RIMS2: variants seen among roughly 807,000 people sequenced by gnomAD.
The protein encoded by RIMS2 is regulating synaptic membrane exocytosis 2.
RIMS2 carries 59 observed loss-of-function variants against 174.4 expected under a neutral mutation model. That is an observed-to-expected ratio of 0.34 (90% CI 0.27 to 0.42). The LOEUF (loss-of-function observed/expected upper bound fraction) is 0.42. Among genes scored for constraint, RIMS2 ranks in the 10% least tolerant of loss-of-function variants. The probability of loss-of-function intolerance (pLI) is 1.00; values close to 1 mark genes in which losing one functional copy is unlikely to be tolerated. For missense variants in RIMS2, 1,620 were observed against 1,666.3 expected (o/e 0.97, Z 0.48); for synonymous variants, 606 against 572.5 (o/e 1.06, Z -0.84).
intron 2 of RIMS2, among the ~76,000 whole-genome samples, chr8:103,713,908 T>G (rs1266879872): frequency 6.6e-6 from 1 of 152,192 alleles, no homozygotes; most frequent in Non-Finnish European, 1.5e-5. Context: ...TTTTTCTTTC[T>G]TCCTGAAATA....
rs1339229373 is a variant in RIMS2 at position 103,542,597 on chromosome 8, G to A, written c.176+41535G>A. Among the ~76,000 whole-genome samples the A allele has an allele frequency of 4.6e-5, 7 of 152,130 alleles. No individual in the cohort carries two copies. The South Asian group carries it at 1.0e-3, about 22-fold the overall frequency. On this transcript the variant is annotated intron_variant, in intron 1 of 23. Transcript: ENST00000504942. The stretch of plus-strand genomic sequence containing the variant: ...AATAAATTCACAGGCCAATATTCTT[G>A]ATGAGCATAGATGCAGAAATCCTCA...
At chr8:103,660,135 G>A (rs1401401473) in intron 1 of RIMS2, among the ~76,000 whole-genome samples, 12 of 152,174 alleles carry the variant, frequency 7.9e-5, no homozygotes, top group Admixed American at 5.2e-4. Context: ...GGTCTTCCAC[G>A]TCAATTACCT....
chr8:104,198,717 G>A (rs2136858319), intron 19 of RIMS2, among the ~76,000 whole-genome samples: 2 of 152,254 alleles, frequency 1.3e-5, no homozygotes, highest in East Asian at 3.9e-4. Flanking sequence ...GTTCTCCTAG[G>A]ATCCCATCCT....
At chr8:104,103,346 C>G (rs2097947701) in intron 19 of RIMS2, among the ~76,000 whole-genome samples, 1 of 152,054 alleles carries the variant, frequency 6.6e-6, no homozygotes, top group African/African-American at 2.4e-5. Flanking sequence ...CTAAAAGCTA[C>G]TGAATCATAT....
intron 9 of RIMS2, among the ~76,000 whole-genome samples, chr8:103,919,643 T>C (rs1215340727): frequency 1.3e-5 from 2 of 152,120 alleles, no homozygotes; most frequent in African/African-American, 4.8e-5. Context: ...TCAGATTCTC[T>C]ATATACCACA....
intron 4 of RIMS2, among the ~76,000 whole-genome samples, chr8:103,903,176 G>C (rs912135797): frequency 1.3e-5 from 2 of 152,030 alleles, no homozygotes; most frequent in African/African-American, 2.4e-5. Context: ...CAATCTGTTA[G>C]ATATCACAAC....
At chr8:104,067,572 T>TGTC (rs567406236) in intron 19 of RIMS2, among the ~76,000 whole-genome samples, 132 of 151,930 alleles carry the variant, frequency 8.7e-4, no homozygotes, top group African/African-American at 3.1e-3. Context: ...TTGTTGTTGT[T>TGTC]GTGGAGACGG....
At chr8:103,666,620 T>C (rs56999386) in intron 1 of RIMS2, among the ~76,000 whole-genome samples, 26,734 of 152,064 alleles carry the variant, frequency 0.18, 2,551 homozygotes, top group African/African-American at 0.23. Context: ...TTCTGGTCTT[T>C]TTTGGGGGGC....
At chr8:103,820,050 AG>A (rs2098742429) in intron 3 of RIMS2, among the ~76,000 whole-genome samples, 1 of 152,132 alleles carries the variant, frequency 6.6e-6, no homozygotes, top group African/African-American at 2.4e-5. Flanking sequence ...GATGTTTTCT[AG>A]GTTTAAGACA....
In RIMS2 at chr8:103,578,554, AAAC is replaced by A. The variant is rs374420643; in HGVS notation, c.176+77510_176+77512del. 6.7e-3 allele frequency among the ~76,000 whole-genome samples: 989 copies of A among 146,626 alleles called. 14 individuals carry two copies. The highest frequency in any genetic ancestry group is 0.022 in the African/African-American group (917 of 41,070). On this transcript the variant is annotated intron_variant, in intron 1 of 23. Transcript: ENST00000504942. Reference sequence around the variant, plus strand: ...AAAACAAAAAACAAAAAACAAAACAAAACAACAACAACAACAACAAAAAACCCA... The same window carrying A: ...AAAACAAAAAACAAAAAACAAAACAAAACAACAACAACAACAAAAAACCCA...
At chr8:103,579,657 TG>T (rs1290799888) in intron 1 of RIMS2, among the ~76,000 whole-genome samples, 1 of 152,218 alleles carries the variant, frequency 6.6e-6, no homozygotes, top group African/African-American at 2.4e-5. Flanking sequence ...ACCTATAAGA[TG>T]TTTTTTATAA....
chr8:104,019,626 G>A (rs1198743099), intron 19 of RIMS2, among the ~76,000 whole-genome samples: 1 of 152,098 alleles, frequency 6.6e-6, no homozygotes, highest in East Asian at 1.9e-4. Context: ...ATGGAAACAG[G>A]CAAGTTTAAT....
chr8:103,910,666 G>T, intron 5 of RIMS2, 137 bp downstream of exon 8: 1 of 510,560 alleles, frequency 2.0e-6, no homozygotes. Context: ...GTGCAGAAAA[G>T]AAAAACAAAA....
chr8:104,098,838 A>G (rs2097808808), intron 19 of RIMS2, among the ~76,000 whole-genome samples: 1 of 152,190 alleles, frequency 6.6e-6, no homozygotes, highest in African/African-American at 2.4e-5. Context: ...GCTATGTGAT[A>G]TAACTTGATA....
At chr8:103,949,583 T>C (rs377055990) in intron 14 of RIMS2, among the ~76,000 whole-genome samples, 1 of 152,288 alleles carries the variant, frequency 6.6e-6, no homozygotes, top group East Asian at 1.9e-4. Flanking sequence ...AAAATTATTT[T>C]GAACTGAATG....
intron 3 of RIMS2, among the ~76,000 whole-genome samples, chr8:103,862,323 C>A (rs778442104): frequency 4.6e-5 from 7 of 151,954 alleles, no homozygotes; most frequent in African/African-American, 1.2e-4. Context: ...CTATTCTGTT[C>A]CATTGATCTA....
chr8:103,670,684 C>T (rs1057277520), intron 1 of RIMS2, among the ~76,000 whole-genome samples: 9 of 152,316 alleles, frequency 5.9e-5, no homozygotes, highest in African/African-American at 1.9e-4. Flanking sequence ...TAACAAGAGT[C>T]AGCTTTGCTC....
chr8:104,015,639 G>C (rs1261344608), intron 19 of RIMS2, among the ~76,000 whole-genome samples: 1 of 152,008 alleles, frequency 6.6e-6, no homozygotes, highest in Admixed American at 6.6e-5. Flanking sequence ...TTATACCAAG[G>C]AGTTAAATAT....
intron 12 of RIMS2, among the ~76,000 whole-genome samples, chr8:103,933,075 G>A (rs1338616688): frequency 2.6e-5 from 4 of 152,004 alleles, no homozygotes; most frequent in South Asian, 2.1e-4. Context: ...GGCAGATCAC[G>A]AGGTCAGGAG....
Sources: gnomAD v4.1 joint callset for allele counts (sites outside exome capture counted in the v4.1 genomes callset) on GRCh38, gnomAD v4.1.1 for gene constraint, MANE v1.5 for transcripts, NCBI Gene and HGNC (gene_info 2026-07-23, HGNC 2026-07-21) for gene names.